SNAP25: variants seen among roughly 807,000 people sequenced by gnomAD.
SNAP25 encodes the protein synaptosome associated protein 25, also known as synaptosomal-associated protein 25.
In SNAP25, 3 loss-of-function variants were observed where a neutral mutation model predicts 28.7. The ratio of observed to expected loss-of-function variants is 0.10; its 90% CI spans 0.05 to 0.27. The LOEUF is 0.27. Among genes scored for constraint, SNAP25 ranks in the 10% least tolerant of loss-of-function variants. The pLI is 1.00. For synonymous variants in SNAP25, 61 were observed against 88.1 expected, an observed-to-expected ratio of 0.69 and a Z score of 1.72; for missense variants, 117 against 278.7, an observed-to-expected ratio of 0.42 and a Z score of 4.13.
intron 1 of SNAP25, among the ~76,000 whole-genome samples, chr20:10,229,843 CAG>C (rs1439151093): frequency 1.3e-5 from 2 of 151,956 alleles, no homozygotes; most frequent in East Asian, 3.9e-4. Flanking sequence ...CATACATAAA[CAG>C]GGGTTAGTAA....
chr20:10,277,396 A>G (rs956650117), intron 2 of SNAP25, among the ~76,000 whole-genome samples: 4 of 152,238 alleles, frequency 2.6e-5, no homozygotes, highest in African/African-American at 9.6e-5. Flanking sequence ...AGCATGCAAA[A>G]TTATCTTCTC....
intron 1 of SNAP25, among the ~76,000 whole-genome samples, chr20:10,264,918 CTTT>C (rs958711328): frequency 8.5e-6 from 1 of 117,148 alleles, no homozygotes; most frequent in Non-Finnish European, 1.8e-5. Flanking sequence ...TCAGACCATG[CTTT>C]TTTTTTTTTT....
intron 1 of SNAP25, among the ~76,000 whole-genome samples, chr20:10,244,957 C>T (rs1214322364): frequency 6.6e-6 from 1 of 152,092 alleles, no homozygotes; most frequent in Non-Finnish European, 1.5e-5. Context: ...TCTCGAACTC[C>T]TGACCTCAGG....
At chr20:10,280,900 G>GAA (rs111790997) in intron 3 of SNAP25, among the ~76,000 whole-genome samples, 1 of 152,004 alleles carries the variant, frequency 6.6e-6, no homozygotes. Flanking sequence ...CCCTAAAAAT[G>GAA]AAAAAAATCA....
At chr20:10,229,368 G>A (rs2062786858) in intron 1 of SNAP25, among the ~76,000 whole-genome samples, 1 of 151,978 alleles carries the variant, frequency 6.6e-6, no homozygotes, top group South Asian at 2.1e-4. Flanking sequence ...ACTCTTTCTT[G>A]GAGCCAGCCT....
intron 1 of SNAP25, among the ~76,000 whole-genome samples, chr20:10,249,258 T>C (rs1260926342): frequency 6.6e-6 from 1 of 152,202 alleles, no homozygotes; most frequent in Non-Finnish European, 1.5e-5. Context: ...TTCAATCCCT[T>C]GGCAAGGAGC....
At chr20:10,262,197 T>C (rs897742103) in intron 1 of SNAP25, among the ~76,000 whole-genome samples, 1 of 152,226 alleles carries the variant, frequency 6.6e-6, no homozygotes, top group African/African-American at 2.4e-5. Context: ...ACAGGCTACA[T>C]TGGCCTTAGT....
intron 1 of SNAP25, among the ~76,000 whole-genome samples, chr20:10,226,623 A>G (rs1394121847): frequency 5.9e-5 from 9 of 152,122 alleles, no homozygotes; most frequent in African/African-American, 2.2e-4. Flanking sequence ...TAAGACATTA[A>G]TTCAATGTAG....
chr20:10,237,031 G>C (rs145416845), intron 1 of SNAP25, among the ~76,000 whole-genome samples: 2 of 152,252 alleles, frequency 1.3e-5, no homozygotes, highest in East Asian at 3.9e-4. Context: ...TGCTGTCCTA[G>C]GTTGAGCCCT....
chr20:10,237,254 C>T (rs1311911342), intron 1 of SNAP25, among the ~76,000 whole-genome samples: 1 of 152,154 alleles, frequency 6.6e-6, no homozygotes, highest in Non-Finnish European at 1.5e-5. Flanking sequence ...GATTGCCTAA[C>T]CTGAAAGGCA....
At chr20:10,267,913 G>T (rs1390050274) in intron 1 of SNAP25, among the ~76,000 whole-genome samples, 1 of 152,136 alleles carries the variant, frequency 6.6e-6, no homozygotes, top group African/African-American at 2.4e-5. Flanking sequence ...GAATAAATAT[G>T]CTATGAAAAT....
At chr20:10,286,536 C>G (rs1455871521) in intron 4 of SNAP25, among the ~76,000 whole-genome samples, 1 of 152,132 alleles carries the variant, frequency 6.6e-6, no homozygotes, top group Non-Finnish European at 1.5e-5. Flanking sequence ...CAGAAATGTT[C>G]TAGCACTAGT....
At chr20:10,262,932 G>T (rs1042491763) in intron 1 of SNAP25, among the ~76,000 whole-genome samples, 4 of 152,018 alleles carry the variant, frequency 2.6e-5, no homozygotes, top group Non-Finnish European at 4.4e-5. Context: ...GTGGGCGGTG[G>T]GGGGAGTAGT....
intron 1 of SNAP25, among the ~76,000 whole-genome samples, chr20:10,241,160 T>C (rs1427310414): frequency 7.3e-6 from 1 of 137,402 alleles, no homozygotes; most frequent in African/African-American, 2.6e-5. Flanking sequence ...GCAGAGGCCT[T>C]GGCTGGGAAG....
At chr20:10,277,292 G>A (rs1284903277) in intron 2 of SNAP25, among the ~76,000 whole-genome samples, 1 of 152,174 alleles carries the variant, frequency 6.6e-6, no homozygotes, top group Non-Finnish European at 1.5e-5. Flanking sequence ...CTCGATTCAT[G>A]AAAAATTATG....
At chr20:10,229,116 T>C (rs1169867485) in intron 1 of SNAP25, among the ~76,000 whole-genome samples, 2 of 152,100 alleles carry the variant, frequency 1.3e-5, no homozygotes, top group South Asian at 2.1e-4. Flanking sequence ...TTAAAGATGC[T>C]TGAGGAGTTA....
chr20:10,297,161 T>C, intron 6 of SNAP25, 111 bp downstream of exon 6: 1 of 1,298,192 alleles, frequency 7.7e-7, no homozygotes, highest in Non-Finnish European at 1.0e-6. Flanking sequence ...TTAATCTACA[T>C]ACCTGCTAAG....
chr20:10,303,861 C>T (rs2064296059), intron 7 of SNAP25, among the ~76,000 whole-genome samples: 1 of 152,094 alleles, frequency 6.6e-6, no homozygotes, highest in Non-Finnish European at 1.5e-5. Context: ...AAGAGATCAA[C>T]CAAGAGATTA....
At chr20:10,227,543 A>G (rs1010504277) in intron 1 of SNAP25, among the ~76,000 whole-genome samples, 1 of 152,148 alleles carries the variant, frequency 6.6e-6, no homozygotes, top group African/African-American at 2.4e-5. Flanking sequence ...GAATAAAATT[A>G]TGTCCCAAGG....
Sources: gnomAD v4.1 joint callset for allele counts (sites outside exome capture counted in the v4.1 genomes callset) on GRCh38, gnomAD v4.1.1 for gene constraint, MANE v1.5 for transcripts, NCBI Gene and HGNC (gene_info 2026-07-23, HGNC 2026-07-21) for gene names.